The following PKHD1 variants were observed in gnomAD, a reference collection of about 807,000 sequenced individuals.
PKHD1 encodes fibrocystin.
Under a neutral mutation model 412.0 loss-of-function variants are expected in PKHD1, and 291 were observed. The ratio of observed to expected loss-of-function variants is 0.71; its 90% CI spans 0.64 to 0.78. PKHD1 has a LOEUF of 0.78. Ranked by LOEUF, PKHD1 falls within the 30% of genes least tolerant of loss-of-function variation. The probability of loss-of-function intolerance (pLI) is 0.00; values close to 1 mark genes in which losing one functional copy is unlikely to be tolerated. For synonymous variants in PKHD1, 1,777 were observed against 1,821.5 expected, an observed-to-expected ratio of 0.98 and a Z score of 0.62; for missense variants, 4,825 against 4,950.7, an observed-to-expected ratio of 0.97 and a Z score of 0.76.
At chr6:51,653,555 C>T (rs1771312066) in intron 61 of PKHD1, among the ~76,000 whole-genome samples, 1 of 152,140 alleles carries the variant, frequency 6.6e-6, no homozygotes, top group African/African-American at 2.4e-5. Context: ...AAGCAGTGTG[C>T]TTACTTCTAT....
At chr6:52,041,598 C>G (rs1804899037) in intron 27 of PKHD1, among the ~76,000 whole-genome samples, 1 of 152,200 alleles carries the variant, frequency 6.6e-6, no homozygotes, top group African/African-American at 2.4e-5. Flanking sequence ...CTCCCTCTCC[C>G]TTTCCCCATA....
At chr6:51,796,213 A>AT (rs35188129) in intron 52 of PKHD1, among the ~76,000 whole-genome samples, 89,113 of 151,212 alleles carry the variant, frequency 0.59, 26,865 homozygotes, top group East Asian at 0.83. Flanking sequence ...CAGGGATTCA[A>AT]TTCTTCCTCG....
At position 51,796,058 on chromosome 6, in the gene PKHD1, C is replaced by A. The variant is rs182898630; in HGVS notation, c.8303-4685G>T. Among the ~76,000 whole-genome samples, 316 of 152,240 alleles carry A rather than the reference C, an allele frequency of 2.1e-3. 1 individual carries two copies. Among genetic ancestry groups the A allele is most frequent in the African/African-American group, 7.3e-3 (303 of 41,544 alleles). On this transcript the variant is annotated intron_variant, in intron 52 of 66. Coordinates refer to ENST00000371117, the MANE Select transcript of PKHD1 (RefSeq NM_138694.4). Reference sequence around the variant, plus strand: ...AGGGAGGAGTCCTTCCTTTTTAATTCTTGGAATAGTTTCAGTAGGAATAGT... The same window carrying A: ...AGGGAGGAGTCCTTCCTTTTTAATTATTGGAATAGTTTCAGTAGGAATAGT...
intron 51 of PKHD1, among the ~76,000 whole-genome samples, chr6:51,834,007 T>C (rs2151532565): frequency 6.6e-6 from 1 of 152,232 alleles, no homozygotes; most frequent in South Asian, 2.1e-4. Flanking sequence ...TTAGGTAGTC[T>C]CAAGTCTAAT....
chr6:51,721,581 T>C, intron 60 of PKHD1: 1 of 1,008,416 alleles, frequency 9.9e-7, no homozygotes, highest in Non-Finnish European at 1.2e-6. Flanking sequence ...ATATCTGAAT[T>C]GCTCCTCTCT....
intron 35 of PKHD1, among the ~76,000 whole-genome samples, chr6:52,002,458 A>G (rs1213139978): frequency 2.6e-5 from 4 of 152,306 alleles, no homozygotes; most frequent in African/African-American, 9.6e-5. Context: ...GAAGTAGGTA[A>G]TTCTCATACA....
At chr6:51,676,329 T>G (rs1775852445) in intron 60 of PKHD1, among the ~76,000 whole-genome samples, 1 of 151,774 alleles carries the variant, frequency 6.6e-6, no homozygotes, top group African/African-American at 2.4e-5. Flanking sequence ...ATGTTCTGAC[T>G]CAAATGCACA....
chr6:51,669,439 TTTTC>T (rs560405720), intron 60 of PKHD1, among the ~76,000 whole-genome samples: 7,126 of 151,956 alleles, frequency 0.047, 233 homozygotes, highest in Non-Finnish European at 0.077. Flanking sequence ...TTCTCTCTTT[TTTTC>T]TTTATTAGTC....
chr6:52,031,166 A>C (rs1488272385), intron 29 of PKHD1, among the ~76,000 whole-genome samples: 1 of 152,238 alleles, frequency 6.6e-6, no homozygotes, highest in Admixed American at 6.5e-5. Flanking sequence ...TGAAAGAATT[A>C]TTCCCACCTA....
intron 51 of PKHD1, among the ~76,000 whole-genome samples, chr6:51,834,250 G>A (rs922912408): frequency 2.0e-5 from 3 of 152,146 alleles, no homozygotes; most frequent in African/African-American, 7.2e-5. Context: ...GCTGATGGGG[G>A]AAAGTGTGGA....
intron 36 of PKHD1, among the ~76,000 whole-genome samples, chr6:51,953,824 A>G (rs1003032569): frequency 6.6e-6 from 1 of 152,102 alleles, no homozygotes; most frequent in Non-Finnish European, 1.5e-5. Context: ...CAGTTGAGAG[A>G]AAATGAGATC....
Position 51,904,056 on chromosome 6 carries a change from AC to A in PKHD1, c.6809-15del. 6.4e-7 allele frequency: 1 copy of A among 1,558,146 alleles called. No homozygotes were observed. The highest frequency in any genetic ancestry group is 8.9e-7 in the Non-Finnish European group (1 of 1,129,426). On this transcript the variant is annotated splice_polypyrimidine_tract_variant and intron_variant, in intron 41 of 66. Coordinates refer to ENST00000371117, the MANE Select transcript of PKHD1 (RefSeq NM_138694.4). ...CCGTGCATGTCCCTGAGAACAAAAG[AC>A]CCCATTACTTGAGTATATTTTATGT... is the stretch of plus-strand genomic sequence containing the variant.
chr6:51,830,906 T>C lies in PKHD1; in HGVS notation c.8257A>G (p.Asn2753Asp). The part of the protein sequence containing the change: ...QGVEEGWGGY[N>D]NTIPGPGDDV... ...TCCCCAGGGCCTGGAATGGTATTGT[T>C]GTATCCTCCCCAGCCTTCTTCAACA... Residue 2753 changes from asparagine (N) to aspartate (D), a missense_variant, in exon 52 of 67, where the codon AAC (asparagine) becomes GAC (aspartate). Coordinates refer to ENST00000371117, the MANE Select transcript of PKHD1 (RefSeq NM_138694.4). The C allele has an allele frequency of 6.2e-7, 1 of 1,612,892 alleles. No homozygotes were observed. The highest frequency in any genetic ancestry group is 8.5e-7 in the Non-Finnish European group (1 of 1,179,096).
intron 49 of PKHD1, among the ~76,000 whole-genome samples, chr6:51,854,571 C>T (rs1772942016): frequency 1.3e-5 from 2 of 152,256 alleles, no homozygotes; most frequent in Admixed American, 1.3e-4. Context: ...CTACCCACTC[C>T]CCCTGGGGCT....
At chr6:51,820,473 G>A (rs1391055199) in intron 52 of PKHD1, among the ~76,000 whole-genome samples, 1 of 152,136 alleles carries the variant, frequency 6.6e-6, no homozygotes, top group Non-Finnish European at 1.5e-5. Flanking sequence ...ATACCTATTA[G>A]AACCAGTGCT....
intron 13 of PKHD1, among the ~76,000 whole-genome samples, chr6:52,063,540 G>C (rs1809003363): frequency 6.6e-6 from 1 of 152,178 alleles, no homozygotes; most frequent in Non-Finnish European, 1.5e-5. Flanking sequence ...AGGTGGATAA[G>C]GAATAAACAG....
chr6:51,934,361 TAAGGC>T, intron 36 of PKHD1, 39 bp from the exon 37 acceptor site: 1 of 1,358,166 alleles, frequency 7.4e-7, no homozygotes, highest in Non-Finnish European at 1.1e-6. Flanking sequence ...CCTGGGAGGA[TAAGGC>T]TTACCGTTTT....
chr6:52,072,062 C>T, intron 8 of PKHD1, 53 bp downstream of exon 8: 1 of 979,200 alleles, frequency 1.0e-6, no homozygotes, highest in South Asian at 1.3e-5. Context: ...TGTGTTGTAT[C>T]CATGTGGACG....
At chr6:51,874,000 G>T (rs1369160157) in intron 46 of PKHD1, among the ~76,000 whole-genome samples, 1 of 152,130 alleles carries the variant, frequency 6.6e-6, no homozygotes, top group East Asian at 1.9e-4. Context: ...TTTCTCCCAG[G>T]GAGAGCTAGT....
Sources: allele counts gnomAD v4.1 joint callset (sites outside exome capture counted in the v4.1 genomes callset), GRCh38; gene constraint gnomAD v4.1.1; transcripts MANE v1.5; gene names NCBI Gene and HGNC (gene_info 2026-07-23, HGNC 2026-07-21).